Variants in FBXL7 observed in about 807,000 individuals in gnomAD.
FBXL7 encodes the protein F-box/LRR-repeat protein 7.
FBXL7 carries 12 observed loss-of-function variants against 38.3 expected under a neutral mutation model. That is an observed-to-expected ratio of 0.31 (90% CI 0.20 to 0.51). FBXL7 has a LOEUF of 0.51. Ranked by LOEUF, FBXL7 falls within the 20% of genes least tolerant of loss-of-function variation. The pLI is 0.98. For synonymous variants in FBXL7, 297 were observed against 300.9 expected (o/e 0.99, Z 0.13); for missense variants, 567 against 676.4 (o/e 0.84, Z 1.79).
intron 2 of FBXL7, among the ~76,000 whole-genome samples, chr5:15,735,291 G>C (rs1390139293): frequency 6.6e-6 from 1 of 152,170 alleles, no homozygotes; most frequent in Middle Eastern, 3.2e-3. Context: ...CAGAGTTCAT[G>C]ATTAATAGAC....
chr5:15,811,521 G>C (rs1484506321), intron 2 of FBXL7, among the ~76,000 whole-genome samples: 1 of 152,044 alleles, frequency 6.6e-6, no homozygotes, highest in African/African-American at 2.4e-5. Context: ...TACCTTTTTA[G>C]AGACCTTATA....
chr5:15,842,395 G>T (rs1738773225), intron 2 of FBXL7, among the ~76,000 whole-genome samples: 2 of 152,160 alleles, frequency 1.3e-5, no homozygotes, highest in Admixed American at 1.3e-4. Context: ...CATTGTACGT[G>T]GGAAGTAACT....
intron 2 of FBXL7, among the ~76,000 whole-genome samples, chr5:15,762,035 G>A (rs2126699361): frequency 6.6e-6 from 1 of 152,294 alleles, no homozygotes; most frequent in African/African-American, 2.4e-5. Context: ...CAGGAATCCA[G>A]GTAAGACTGA....
intron 2 of FBXL7, among the ~76,000 whole-genome samples, chr5:15,819,900 T>A (rs779976913): frequency 7.2e-5 from 11 of 152,142 alleles, no homozygotes; most frequent in Non-Finnish European, 1.6e-4. Context: ...TGGTTGTTCA[T>A]CTTCAGTGGT....
chr5:15,541,478 T>C (rs1737750928), intron 1 of FBXL7, among the ~76,000 whole-genome samples: 1 of 129,748 alleles, frequency 7.7e-6, no homozygotes, highest in African/African-American at 2.9e-5. Flanking sequence ...TATATATATA[T>C]ATAAAGGTAT....
chr5:15,872,103 A>G (rs1043093481), intron 2 of FBXL7, among the ~76,000 whole-genome samples: 5 of 152,234 alleles, frequency 3.3e-5, no homozygotes, highest in Admixed American at 1.3e-4. Flanking sequence ...CAGAAACCCT[A>G]CAAGCCACAA....
intron 2 of FBXL7, among the ~76,000 whole-genome samples, chr5:15,753,923 C>T (rs1736222139): frequency 6.6e-6 from 1 of 152,228 alleles, no homozygotes; most frequent in African/African-American, 2.4e-5. Context: ...CTAGCCTTGA[C>T]TTCACCAGCA....
chr5:15,913,750 C>A (rs1402825426), intron 2 of FBXL7, among the ~76,000 whole-genome samples: 1 of 152,144 alleles, frequency 6.6e-6, no homozygotes, highest in African/African-American at 2.4e-5. Context: ...GATTGCAAGC[C>A]TTTGCATGAA....
At chr5:15,580,115 C>T (rs182514211) in intron 1 of FBXL7, among the ~76,000 whole-genome samples, 4 of 152,042 alleles carry the variant, frequency 2.6e-5, no homozygotes, top group African/African-American at 9.6e-5. Flanking sequence ...AAAGTTCATG[C>T]GAGTGTAGCC....
chr5:15,891,298 A>G (rs1303812129), intron 2 of FBXL7, among the ~76,000 whole-genome samples: 2 of 152,250 alleles, frequency 1.3e-5, no homozygotes, highest in Admixed American at 6.5e-5. Flanking sequence ...CAGGTTTTCA[A>G]TGATTTTATA....
At chr5:15,736,945 A>G (rs1287632758) in intron 2 of FBXL7, among the ~76,000 whole-genome samples, 1 of 152,184 alleles carries the variant, frequency 6.6e-6, no homozygotes, top group African/African-American at 2.4e-5. Flanking sequence ...TATTCCAGAA[A>G]CCATCTTCTG....
At position 15,927,966 on chromosome 5, in the gene FBXL7, G is replaced by T; in HGVS notation, c.204G>T (p.Gln68His). Residue 68 changes from glutamine (Q) to histidine (H), a missense_variant, in exon 3 of 4, where the codon CAG becomes CAT. Coordinates refer to ENST00000504595, the MANE Select transcript of FBXL7 (RefSeq NM_012304.5). ...GTCCACCGAATCTCCCAGGATTTCA[G>T]AATGGAAGGGGCTCGTCCACCTCCT... ...LICPPNLPGF[Q>H]NGRGSSTSSS... The T allele has an allele frequency of 2.5e-6, 4 of 1,580,836 alleles. No individual in the cohort carries two copies. The highest frequency in any genetic ancestry group is 2.6e-6 in the Non-Finnish European group (3 of 1,161,600).
intron 2 of FBXL7, among the ~76,000 whole-genome samples, chr5:15,699,274 G>A (rs1475719095): frequency 6.6e-6 from 1 of 152,156 alleles, no homozygotes; most frequent in Non-Finnish European, 1.5e-5. Context: ...CACAGTTCTG[G>A]AGGCTAGAAG....
At chr5:15,509,400 G>A (rs1053070517) in intron 1 of FBXL7, among the ~76,000 whole-genome samples, 1 of 152,140 alleles carries the variant, frequency 6.6e-6, no homozygotes, top group African/African-American at 2.4e-5. Context: ...GCTAGGCATG[G>A]AGGCCAGTGA....
chr5:15,564,375 T>C (rs2126441447), intron 1 of FBXL7, among the ~76,000 whole-genome samples: 2 of 103,158 alleles, frequency 1.9e-5, no homozygotes, highest in Middle Eastern at 7.8e-3. Flanking sequence ...ATGTCAGTAA[T>C]ATCTGTGTGT....
In FBXL7 at chr5:15,928,096, G is replaced by A. The variant is rs779561528; in HGVS notation, c.334G>A (p.Ala112Thr). 3.1e-6 allele frequency: 5 copies of A among 1,610,880 alleles called. No homozygotes were observed. Among genetic ancestry groups the A allele is most frequent in the African/African-American group, 1.3e-5 (1 of 74,248 alleles). ...RLASRPQKEQ[A>T]SIDRLPDHSM... ...CGCCTCCAGACCCCAGAAGGAGCAGGCCAGCATAGACCGGCTCCCGGACCA... is the reference window on the plus strand; with the variant it reads ...CGCCTCCAGACCCCAGAAGGAGCAGACCAGCATAGACCGGCTCCCGGACCA... The change falls in exon 3 of 4, where the codon GCC (alanine) becomes ACC (threonine). Residue 112 changes from alanine (A) to threonine (T), a missense_variant. Transcript: ENST00000504595. This position sits in a 1 kb window ranked among gnomAD's most constrained non-coding sequence, Gnocchi z 4.0.
chr5:15,683,681 G>A (rs1447472113), intron 2 of FBXL7, among the ~76,000 whole-genome samples: 1 of 152,164 alleles, frequency 6.6e-6, no homozygotes, highest in Non-Finnish European at 1.5e-5. Flanking sequence ...ACTCCTGGGG[G>A]AGGCCCGGAC....
intron 2 of FBXL7, among the ~76,000 whole-genome samples, chr5:15,807,763 C>A (rs977980376): frequency 6.6e-6 from 1 of 151,798 alleles, no homozygotes; most frequent in Admixed American, 6.6e-5. Context: ...AAAGAGCTCT[C>A]GCTTACTTCT....
rs187303643 is a variant in FBXL7, at chr5:15,881,106, G to A, written c.128-46784G>A. ...GGGTTACATGAATAAGTTCTTTAGTGGTGATTTCTGAGATTTTGGTGCACC... is the reference window on the plus strand; with the variant it reads ...GGGTTACATGAATAAGTTCTTTAGTAGTGATTTCTGAGATTTTGGTGCACC... On this transcript the variant is annotated intron_variant, in intron 2 of 3. Transcript: ENST00000504595. 2.2e-4 allele frequency among the ~76,000 whole-genome samples: 34 copies of A among 152,098 alleles called. No individual in the cohort carries two copies. The East Asian group carries it at 6.2e-3, about 28-fold the overall frequency.
Sources: allele counts gnomAD v4.1 joint callset (sites outside exome capture counted in the v4.1 genomes callset), GRCh38; gene constraint gnomAD v4.1.1; non-coding constraint Gnocchi (gnomAD v3.1); transcripts MANE v1.5; gene names NCBI Gene and HGNC (gene_info 2026-07-23, HGNC 2026-07-21).